The following ADAMTSL1 variants were observed in gnomAD, a reference collection of about 807,000 sequenced individuals.
ADAMTSL1 encodes the protein ADAMTS-like protein 1.
In ADAMTSL1, 126 loss-of-function variants were observed where a neutral mutation model predicts 201.8. That is an observed-to-expected ratio of 0.62 (90% confidence interval 0.54 to 0.72). The LOEUF (loss-of-function observed/expected upper bound fraction) is 0.72, where lower values mean the gene tolerates loss of function less well. Among genes scored for constraint, ADAMTSL1 ranks in the 30% least tolerant of loss-of-function variants. The pLI is 0.00. For synonymous variants in ADAMTSL1, 1,121 were observed against 903.4 expected (o/e 1.24, Z -4.32); for missense variants, 2,679 against 2,277.8 (o/e 1.18, Z -3.59).
rs752461539 is a variant in ADAMTSL1, at chr9:18,887,906, G to T, written c.4325G>T (p.Gly1442Val). The T allele has an allele frequency of 6.2e-7, 1 of 1,613,930 alleles. No individual in the cohort carries two copies. Among genetic ancestry groups the T allele is most frequent in the Non-Finnish European group, 8.5e-7 (1 of 1,179,886 alleles). The change falls in exon 24 of 29, where the codon GGA becomes GTA. Residue 1442 changes from glycine to valine, a missense_variant. Coordinates refer to ENST00000380548, the MANE Select transcript of ADAMTSL1 (RefSeq NM_001040272.6). The stretch of plus-strand genomic sequence containing the variant: ...GGTCAGCCAATTGTCACTGCCACAG[G>T]ACTGACGCATCACATCTTGGCAGCT... ...HGGQPIVTATGLTHHILAAGQ... is the reference protein window; with the variant it reads ...HGGQPIVTATVLTHHILAAGQ...
At chr9:17,981,555 G>C (rs72697425) in intron 1 of ADAMTSL1, among the ~76,000 whole-genome samples, 39,167 of 151,998 alleles carry the variant, frequency 0.26, 5,362 homozygotes, top group Middle Eastern at 0.31. Context: ...TTGTTCGAGT[G>C]AGCCATCTTT....
intron 1 of ADAMTSL1, among the ~76,000 whole-genome samples, chr9:18,015,738 C>G (rs776695809): frequency 2.0e-5 from 3 of 152,002 alleles, no homozygotes; most frequent in Admixed American, 6.6e-5. Flanking sequence ...ACCAGGGCTT[C>G]TCATCCTAGG....
At position 18,169,008 on chromosome 9, in the gene ADAMTSL1, G is replaced by A. The variant is rs1341491200; in HGVS notation, c.207+5027G>A. On this transcript the variant is annotated intron_variant, in intron 2 of 29. Coordinates refer to the ADAMTSL1 transcript ENST00000680146. Reference sequence around the variant, plus strand: ...TCTTGTAAATTTGTTTGAGTTCATTGTAGATTCTGGATATTAGCCCTTTGT... The same window carrying A: ...TCTTGTAAATTTGTTTGAGTTCATTATAGATTCTGGATATTAGCCCTTTGT... Among the ~76,000 whole-genome samples the A allele has an allele frequency of 3.4e-5, 5 of 147,610 alleles. No individual in the cohort carries two copies. In the East Asian group the frequency reaches 1.0e-3, roughly 30 times the overall value.
chr9:18,320,370 T>C (rs1834570230), intron 2 of ADAMTSL1, among the ~76,000 whole-genome samples: 1 of 152,150 alleles, frequency 6.6e-6, no homozygotes, highest in South Asian at 2.1e-4. Flanking sequence ...ATCTTTAAAG[T>C]CCTGAGAGAA....
chr9:18,090,744 A>G (rs931703948), intron 1 of ADAMTSL1, among the ~76,000 whole-genome samples: 1 of 152,202 alleles, frequency 6.6e-6, no homozygotes, highest in Non-Finnish European at 1.5e-5. Context: ...TTAAAATGGT[A>G]AATTTTATGT....
intron 20 of ADAMTSL1, among the ~76,000 whole-genome samples, chr9:18,801,646 C>T (rs1022651761): frequency 6.6e-6 from 1 of 152,158 alleles, no homozygotes; most frequent in Non-Finnish European, 1.5e-5. Flanking sequence ...GTTTTCTGTT[C>T]CTGTATTAGT....
chr9:18,364,482 C>A (rs904303852), intron 2 of ADAMTSL1, among the ~76,000 whole-genome samples: 3 of 152,176 alleles, frequency 2.0e-5, no homozygotes, highest in South Asian at 2.1e-4. Context: ...TTAAAGAATT[C>A]CCAGAGAAAA....
intron 23 of ADAMTSL1, among the ~76,000 whole-genome samples, chr9:18,840,112 T>C (rs1209104019): frequency 6.8e-6 from 1 of 147,732 alleles, no homozygotes; most frequent in African/African-American, 2.5e-5. Flanking sequence ...TCCTTGCCCA[T>C]GCCTATGTCC....
intron 1 of ADAMTSL1, among the ~76,000 whole-genome samples, chr9:17,924,731 G>C (rs1469415977): frequency 6.9e-6 from 1 of 144,524 alleles, no homozygotes; most frequent in Non-Finnish European, 1.5e-5. Flanking sequence ...TTAAACGTTA[G>C]ACCTAAAACC....
rs1829233124 is a variant in ADAMTSL1 at position 18,663,431 on chromosome 9, T to G, written c.1085+1358T>G. ...CTGAATAAGGTGTTGAAATTGTGCTTGGATTTCTTTATTTTGGAAATCTTA... is the reference window on the plus strand; with the variant it reads ...CTGAATAAGGTGTTGAAATTGTGCTGGGATTTCTTTATTTTGGAAATCTTA... On this transcript the variant is annotated intron_variant, in intron 9 of 28. Transcript: ENST00000380548. 2.6e-5 allele frequency among the ~76,000 whole-genome samples: 4 copies of G among 152,296 alleles called. No homozygotes were observed. In the South Asian group the frequency reaches 8.3e-4, roughly 32 times the overall value.
chr9:18,280,817 A>G (rs1832756297), intron 2 of ADAMTSL1, among the ~76,000 whole-genome samples: 1 of 151,386 alleles, frequency 6.6e-6, no homozygotes, highest in African/African-American at 2.4e-5. Flanking sequence ...AGATTTTCTG[A>G]GACAAATATT....
intron 4 of ADAMTSL1, among the ~76,000 whole-genome samples, chr9:18,609,466 T>C (rs1825245004): frequency 6.6e-6 from 1 of 151,372 alleles, no homozygotes; most frequent in Non-Finnish European, 1.5e-5. Context: ...GAACTCCATC[T>C]GCTCTGACCT....
intron 2 of ADAMTSL1, among the ~76,000 whole-genome samples, chr9:18,458,873 A>G (rs752610757): frequency 2.6e-5 from 4 of 152,322 alleles, no homozygotes; most frequent in Admixed American, 2.0e-4. Context: ...TATGACAAAA[A>G]TATTTCCTTG....
chr9:17,947,219 C>G (rs557323733), intron 1 of ADAMTSL1, among the ~76,000 whole-genome samples: 1 of 150,956 alleles, frequency 6.6e-6, no homozygotes, highest in South Asian at 2.1e-4. Flanking sequence ...AAAACACAGT[C>G]TGTTAAACTG....
chr9:18,019,002 G>C (rs919813915), intron 1 of ADAMTSL1, among the ~76,000 whole-genome samples: 5 of 152,022 alleles, frequency 3.3e-5, no homozygotes, highest in African/African-American at 2.4e-5. Context: ...AAAGTACCTT[G>C]AACACATTAG....
At position 18,390,313 on chromosome 9, in the gene ADAMTSL1, G is replaced by A. The variant is rs540224276; in HGVS notation, c.208-114516G>A. Among the ~76,000 whole-genome samples, 8 of 152,264 alleles carry A rather than the reference G, an allele frequency of 5.3e-5. No homozygotes were observed. The South Asian group carries it at 6.2e-4, about 12-fold the overall frequency. ...CCAGGTAATCATGACACACTGACAC[G>A]TAGGGCATGCTAATCTTAACAACTA... is the stretch of plus-strand genomic sequence containing the variant. On this transcript the variant is annotated intron_variant, in intron 2 of 29. Transcript: ENST00000680146.
intron 3 of ADAMTSL1, among the ~76,000 whole-genome samples, chr9:18,541,136 T>C (rs1320372201): frequency 6.6e-6 from 1 of 152,206 alleles, no homozygotes; most frequent in Non-Finnish European, 1.5e-5. Flanking sequence ...TGTACACTGA[T>C]ACAACAAAAT....
chr9:18,093,339 T>G (rs1281102281), intron 1 of ADAMTSL1, among the ~76,000 whole-genome samples: 1 of 152,222 alleles, frequency 6.6e-6, no homozygotes, highest in Non-Finnish European at 1.5e-5. Context: ...CTTTGGCTAG[T>G]TGACTAGCAG....
At chr9:18,008,615 C>T (rs2131550488) in intron 1 of ADAMTSL1, among the ~76,000 whole-genome samples, 1 of 152,056 alleles carries the variant, frequency 6.6e-6, no homozygotes, top group Non-Finnish European at 1.5e-5. Context: ...TACACAGGGA[C>T]TCAGGTTCAC....
Sources: allele counts gnomAD v4.1 joint callset (sites outside exome capture counted in the v4.1 genomes callset), GRCh38; gene constraint gnomAD v4.1.1; transcripts MANE v1.5; gene names NCBI Gene and HGNC (gene_info 2026-07-23, HGNC 2026-07-21).